Variants in CACNA2D4 observed in about 807,000 individuals in gnomAD.
CACNA2D4 encodes the protein calcium voltage-gated channel auxiliary subunit alpha2delta 4.
A neutral mutation model predicts 163.8 loss-of-function variants in CACNA2D4; 157 were observed. That is an observed-to-expected ratio of 0.96 (90% confidence interval 0.84 to 1.09). The LOEUF is 1.09. CACNA2D4 is among the 50% of genes least tolerant of loss of function. The pLI, the probability that CACNA2D4 is intolerant of heterozygous loss-of-function variation, is 0.00. For synonymous variants in CACNA2D4, 598 were observed against 586.9 expected (o/e 1.02, Z -0.27); for missense variants, 1,410 against 1,479.9 (o/e 0.95, Z 0.78).
chr12:1,879,971 G>A, intron 13 of CACNA2D4, 90 bp from the exon 14 acceptor site: 1 of 743,120 alleles, frequency 1.3e-6, no homozygotes, highest in Non-Finnish European at 2.3e-6. Flanking sequence ...AGAACCCACA[G>A]TCACCACATC....
At chr12:1,813,434 C>G (rs551706562) in intron 26 of CACNA2D4, among the ~76,000 whole-genome samples, 1 of 152,336 alleles carries the variant, frequency 6.6e-6, no homozygotes, top group Non-Finnish European at 1.5e-5. Context: ...TACATCTGTG[C>G]TGTCCTAAAC....
chr12:1,892,044 G>A (rs886830602), intron 6 of CACNA2D4, among the ~76,000 whole-genome samples: 3 of 152,182 alleles, frequency 2.0e-5, no homozygotes, highest in Non-Finnish European at 2.9e-5. Context: ...TCTAGCAAGC[G>A]ATTATGACAT....
At chr12:1,846,835 G>A (rs1865156879) in intron 23 of CACNA2D4, 146 bp from the exon 24 acceptor site, 1 of 700,488 alleles carries the variant, frequency 1.4e-6, no homozygotes, top group Admixed American at 2.1e-5. Context: ...CCTGGGAAGG[G>A]GCCGGGACAC....
At position 1,797,693 on chromosome 12, in the gene CACNA2D4, G is replaced by T. The variant is rs141158279; in HGVS notation, c.2996-158C>A. 429 of 670,030 alleles carry T rather than the reference G, an allele frequency of 6.4e-4. 3 individuals are homozygous for T. In the East Asian group the frequency reaches 0.012, roughly 18 times the overall value. 41.5% of individuals were successfully genotyped at this position (670,030 alleles called of 1,614,324 possible). On this transcript the variant is annotated intron_variant, in intron 34 of 37. Coordinates refer to ENST00000382722, the MANE Select transcript of CACNA2D4 (RefSeq NM_172364.5). ...ACGCGTGGGAGGAGCCGGGCGGGGG[G>T]TGAGGGGAGGGAAGACACCCGGAGT...
At chr12:1,916,425 A>G (rs1369095056) in intron 1 of CACNA2D4, among the ~76,000 whole-genome samples, 16 of 152,180 alleles carry the variant, frequency 1.1e-4, no homozygotes, top group Admixed American at 1.0e-3. Flanking sequence ...GTATGTGTCT[A>G]GTAGGTAGAG....
chr12:1,800,290 T>C (rs983163986), intron 32 of CACNA2D4, 96 bp downstream of exon 32: 5 of 1,357,446 alleles, frequency 3.7e-6, no homozygotes, highest in Admixed American at 1.7e-5. Flanking sequence ...AGCAAGTGGG[T>C]TGTCCTGGAG....
intron 26 of CACNA2D4, among the ~76,000 whole-genome samples, chr12:1,836,975 A>T (rs1302683057): frequency 6.6e-6 from 1 of 152,216 alleles, no homozygotes; most frequent in Non-Finnish European, 1.5e-5. Flanking sequence ...GGCTGGGGGC[A>T]GTGAGCTCAT....
chr12:1,884,040 G>C (rs1177470073), intron 12 of CACNA2D4: 1 of 532,302 alleles, frequency 1.9e-6, no homozygotes, highest in African/African-American at 1.9e-5. Context: ...AGAAAGAATG[G>C]GGGCAGGATG....
At chr12:1,911,806 C>A (rs1477624187) in intron 3 of CACNA2D4, among the ~76,000 whole-genome samples, 2 of 152,166 alleles carry the variant, frequency 1.3e-5, no homozygotes, top group African/African-American at 4.8e-5. Context: ...GTCTCATACC[C>A]CACTGTCTGT....
intron 18 of CACNA2D4, among the ~76,000 whole-genome samples, chr12:1,868,946 G>A (rs139898417): frequency 6.5e-4 from 98 of 151,898 alleles, no homozygotes; most frequent in Admixed American, 1.1e-3. Flanking sequence ...AACGTATTAG[G>A]GAAGACTGTG....
rs60739615 is a variant in CACNA2D4 at position 1,802,015 on chromosome 12, CTGTGTGTGTGTGTG to C, written c.2722-385_2722-372del. Among the ~76,000 whole-genome samples the C allele has an allele frequency of 0.071, 10,252 of 144,236 alleles. 408 individuals carry two copies. Among genetic ancestry groups the C allele is most frequent in the East Asian group, 0.16 (775 of 4,774 alleles). 94.6% of individuals were successfully genotyped at this position (144,236 alleles called of 152,430 possible). ...TATGAAACTGGATTTGTTTTATATG[CTGTGTGTGTGTGTG>C]TGTGTGTGTGTGTGTGTGTGTGTGT... is the stretch of plus-strand genomic sequence containing the variant. On this transcript the variant is annotated intron_variant, in intron 29 of 37. Transcript: ENST00000382722. The surrounding 1 kb of genome is among the most constrained non-coding windows in gnomAD (Gnocchi z 4.7).
At chr12:1,805,697 C>T (rs1330975483) in intron 29 of CACNA2D4, among the ~76,000 whole-genome samples, 10 of 152,322 alleles carry the variant, frequency 6.6e-5, no homozygotes, top group South Asian at 2.1e-4. Flanking sequence ...CCTCTGACCA[C>T]GACAGGATTA....
rs1223279457 is a variant in CACNA2D4, at chr12:1,844,358, G to T, written c.2470+44C>A. ...CACAGCAGGAGGAGAGATGAGACTGGCCTGAGACTGGCCCAGCCCCGGGAG... is the reference window on the plus strand; with the variant it reads ...CACAGCAGGAGGAGAGATGAGACTGTCCTGAGACTGGCCCAGCCCCGGGAG... On this transcript the variant is annotated intron_variant, in intron 25 of 37. Coordinates refer to ENST00000382722, the MANE Select transcript of CACNA2D4 (RefSeq NM_172364.5). This position sits in a 1 kb window ranked among gnomAD's most constrained non-coding sequence, Gnocchi z 4.2. The T allele has an allele frequency of 3.1e-6, 5 of 1,605,122 alleles. No individual in the cohort carries two copies. Among genetic ancestry groups the T allele is most frequent in the Non-Finnish European group, 4.3e-6 (5 of 1,174,856 alleles).
At chr12:1,909,795 C>T in intron 4 of CACNA2D4, 111 bp downstream of exon 4, 1 of 837,798 alleles carries the variant, frequency 1.2e-6, no homozygotes, top group Non-Finnish European at 2.0e-6. Context: ...CAGTAAATGT[C>T]TATGGAATCA....
intron 26 of CACNA2D4, among the ~76,000 whole-genome samples, chr12:1,821,100 C>T (rs577154178): frequency 5.3e-5 from 8 of 152,278 alleles, no homozygotes; most frequent in Non-Finnish European, 7.3e-5. Flanking sequence ...ATGACAGTCC[C>T]GGGTGGCATA....
intron 37 of CACNA2D4, chr12:1,794,956 C>T (rs887459222): frequency 8.6e-6 from 4 of 464,196 alleles, no homozygotes; most frequent in African/African-American, 3.9e-5. Flanking sequence ...ATCTAATTAG[C>T]ATACAAAGAT....
chr12:1,798,808 G>A lies in CACNA2D4; in HGVS notation c.2995+867C>T, dbSNP rs556543713. 6.6e-6 allele frequency among the ~76,000 whole-genome samples: 1 copy of A among 152,282 alleles called. No individual in the cohort carries two copies. The highest frequency in any genetic ancestry group is 6.5e-5 in the Admixed American group (1 of 15,312). On this transcript the variant is annotated intron_variant, in intron 34 of 37. Coordinates refer to ENST00000382722, the MANE Select transcript of CACNA2D4 (RefSeq NM_172364.5). The surrounding 1 kb of genome is among the most constrained non-coding windows in gnomAD (Gnocchi z 4.3). ...GCTGCTGACAGAGACAGAGGGGACA[G>A]TGTCCTGTCACTGACACCTAGTGAC...
intron 19 of CACNA2D4, 55 bp downstream of exon 19, chr12:1,860,090 T>C (rs954173860): frequency 7.1e-7 from 1 of 1,415,576 alleles, no homozygotes. Flanking sequence ...AAATATGAGT[T>C]GCTGGTATTC....
At chr12:1,886,124 G>T in intron 8 of CACNA2D4, 85 bp from the exon 9 acceptor site, 1 of 1,530,822 alleles carries the variant, frequency 6.5e-7, no homozygotes, top group Non-Finnish European at 9.0e-7. Flanking sequence ...AGACACTCAT[G>T]CAGGTCACCG....
Sources: allele counts gnomAD v4.1 joint callset (sites outside exome capture counted in the v4.1 genomes callset), GRCh38; gene constraint gnomAD v4.1.1; non-coding constraint Gnocchi (gnomAD v3.1); transcripts MANE v1.5; gene names NCBI Gene and HGNC (gene_info 2026-07-23, HGNC 2026-07-21).